VPS13C: variants seen among roughly 807,000 people sequenced by gnomAD.
The protein encoded by VPS13C is vacuolar protein sorting 13 homolog C.
VPS13C carries 358 observed loss-of-function variants against 456.8 expected under a neutral mutation model. That is an observed-to-expected ratio of 0.78 (90% CI 0.72 to 0.86). The LOEUF is 0.86. Ranked by LOEUF, VPS13C falls within the 40% of genes least tolerant of loss-of-function variation. VPS13C has a pLI of 0.00. For missense variants in VPS13C, 4,818 were observed against 4,385.4 expected (o/e 1.10, Z -2.79); for synonymous variants, 1,578 against 1,486.7 (o/e 1.06, Z -1.41).
chr15:61,941,711 A>G, intron 46 of VPS13C, 52 bp downstream of exon 46: 1 of 1,504,994 alleles, frequency 6.6e-7, no homozygotes, highest in Non-Finnish European at 8.9e-7. Flanking sequence ...TAAAAATTGT[A>G]TGAAAATCCT....
chr15:61,866,303 CTA>C, intron 81 of VPS13C: 1 of 982,956 alleles, frequency 1.0e-6, no homozygotes, highest in Non-Finnish European at 1.2e-6. Flanking sequence ...TTAATAAAAA[CTA>C]AGAAATCAGA....
chr15:61,983,854 A>G lies in VPS13C; in HGVS notation c.1880T>C (p.Val627Ala), dbSNP rs137923693. ...EDSPADQTLI[V>A]QSQPVEVIYD... is the part of the protein sequence containing the mutation. ...GATGACCTCCACAGGCTGGGACTGA[A>G]CAATCAGAGTCTGGTCAGCAGGACT... is the stretch of plus-strand genomic sequence containing the variant. The change falls in exon 20 of 85, where the codon GTT (valine) becomes GCT (alanine). Residue 627 changes from valine (V) to alanine (A), a missense_variant. Val to Ala is a moderately conservative substitution (Grantham distance 64, BLOSUM62 0). Transcript: ENST00000644861. 107 of 1,614,144 alleles carry G rather than the reference A, an allele frequency of 6.6e-5. 1 individual carries two copies. The Middle Eastern group carries it at 4.6e-3, about 70-fold the overall frequency.
At chr15:62,037,615 C>A (rs2048109185) in intron 3 of VPS13C, among the ~76,000 whole-genome samples, 1 of 150,492 alleles carries the variant, frequency 6.6e-6, no homozygotes, top group East Asian at 1.9e-4. Flanking sequence ...ATGTCTATAA[C>A]TTCCTTGAAG....
chr15:62,038,907 C>A (rs1402338647), intron 3 of VPS13C, among the ~76,000 whole-genome samples: 2 of 152,150 alleles, frequency 1.3e-5, no homozygotes, highest in African/African-American at 4.8e-5. Flanking sequence ...GAGATACCAT[C>A]TTACACCAGC....
At chr15:61,855,389 G>A (rs976721673) in intron 83 of VPS13C, among the ~76,000 whole-genome samples, 3 of 152,142 alleles carry the variant, frequency 2.0e-5, no homozygotes, top group Admixed American at 2.0e-4. Context: ...TATGCACAGT[G>A]ACATAGTCTT....
In VPS13C at chr15:61,854,251, G is replaced by A. The variant is rs1166109666; in HGVS notation, c.*206C>T. The A allele has an allele frequency of 3.4e-6, 2 of 589,712 alleles. No homozygotes were observed. Among genetic ancestry groups the A allele is most frequent in the African/African-American group, 3.7e-5 (2 of 53,664 alleles). The allele number at this position is 589,712 out of a possible 1,614,324, so 36.5% of individuals were successfully genotyped here. A position where few individuals can be genotyped will look rare whatever the true frequency, so the allele number is the denominator to read the frequency against. ...TCTGACCCATTTGGGTGGTGGCGTA[G>A]AAGTGGACTGCTAGCATATACATGG... On this transcript the variant is annotated 3_prime_UTR_variant, in exon 85 of 85. Coordinates refer to ENST00000644861, the MANE Select transcript of VPS13C (RefSeq NM_020821.3).
chr15:61,865,143 G>A (rs1009025024), intron 81 of VPS13C: 32 of 984,574 alleles, frequency 3.3e-5, no homozygotes, highest in Middle Eastern at 5.2e-4. Context: ...AAATATTCAC[G>A]TCCCCTTTCC....
In VPS13C at chr15:61,950,432, G is replaced by A. The variant is rs1224633292; in HGVS notation, c.4537-15C>T. On this transcript the variant is annotated splice_polypyrimidine_tract_variant and intron_variant, in intron 40 of 84. Coordinates refer to ENST00000644861, the MANE Select transcript of VPS13C (RefSeq NM_020821.3). Reference sequence around the variant, plus strand: ...TCACTGTCTGCCTACAAATAGTGGAGAATTACACCACTGAGTTTCAAACAC... The same window carrying A: ...TCACTGTCTGCCTACAAATAGTGGAAAATTACACCACTGAGTTTCAAACAC... The A allele has an allele frequency of 1.9e-6, 3 of 1,597,500 alleles. No homozygotes were observed. The highest frequency in any genetic ancestry group is 1.7e-4 in the Middle Eastern group (1 of 6,034).
chr15:62,044,362 C>T (rs2048339294), intron 1 of VPS13C, 107 bp from the exon 2 acceptor site: 2 of 621,620 alleles, frequency 3.2e-6, no homozygotes, highest in Middle Eastern at 2.7e-4. Flanking sequence ...GCTAAGAATA[C>T]AATGATAAAC....
chr15:61,918,235 G>A lies in VPS13C; in HGVS notation c.7661C>T (p.Ala2554Val). The A allele has an allele frequency of 6.3e-7, 1 of 1,579,048 alleles. No individual in the cohort carries two copies. Among genetic ancestry groups the A allele is most frequent in the African/African-American group, 1.4e-5 (1 of 72,958 alleles). ...PLQIKNHFSI[A>V]FIIYKFVKNV... is the part of the protein sequence containing the mutation. Reference sequence around the variant, plus strand: ...CTTAACAAATTTATAGATGATAAATGCAATGGAGAAATGGTTTTTGATCTG... The same window carrying A: ...CTTAACAAATTTATAGATGATAAATACAATGGAGAAATGGTTTTTGATCTG... The change falls in exon 59 of 85, where the codon GCA becomes GTA. Residue 2554 changes from alanine to valine, a missense_variant. Physicochemically the swap from Ala to Val is moderately conservative, Grantham distance 64. Around this residue, in one of 3 missense-constraint regions of VPS13C, gnomAD observed 4,552 missense variants for 4,130.6 expected, o/e 1.10. Coordinates refer to ENST00000644861, the MANE Select transcript of VPS13C (RefSeq NM_020821.3).
At chr15:61,944,956 G>C (rs1013036316) in intron 45 of VPS13C, among the ~76,000 whole-genome samples, 1 of 152,138 alleles carries the variant, frequency 6.6e-6, no homozygotes, top group African/African-American at 2.4e-5. Context: ...ATCTCATCTC[G>C]AATTGTAATC....
chr15:62,028,497 C>G (rs960519281), intron 5 of VPS13C, 77 bp from the exon 6 acceptor site: 2 of 1,375,694 alleles, frequency 1.5e-6, no homozygotes, highest in African/African-American at 2.9e-5. Flanking sequence ...TAAAATATAC[C>G]TAAATTTAAT....
At position 61,978,662 on chromosome 15, in the gene VPS13C, C is replaced by T. The variant is rs759923497; in HGVS notation, c.2254G>A (p.Glu752Lys). 9 of 1,612,176 alleles carry T rather than the reference C, an allele frequency of 5.6e-6. No individual in the cohort carries two copies. In the South Asian group the frequency reaches 9.9e-5, roughly 18 times the overall value. Residue 752 changes from glutamate (E) to lysine (K), a missense_variant, in exon 23 of 85, where the codon GAA (glutamate) becomes AAA (lysine). Glu to Lys is a moderately conservative substitution (Grantham distance 56). Around this residue, in one of 3 missense-constraint regions of VPS13C, gnomAD observed 4,552 missense variants for 4,130.6 expected, o/e 1.10. Transcript: ENST00000644861. Reference sequence around the variant, plus strand: ...AAAAGTAGTTGTACATTTTTTATTTCAACATCAAACTTGTCATATGCCTTA... The same window carrying T: ...AAAAGTAGTTGTACATTTTTTATTTTAACATCAAACTTGTCATATGCCTTA... ...MDKAYDKFDVEIKNVQLLFAR... is the reference protein window; with the variant it reads ...MDKAYDKFDVKIKNVQLLFAR...
chr15:62,056,419 T>G (rs976025798), intron 1 of VPS13C, among the ~76,000 whole-genome samples: 5 of 152,158 alleles, frequency 3.3e-5, no homozygotes, highest in African/African-American at 1.2e-4. Flanking sequence ...GTGCGAGCCT[T>G]CTGTTATGCC....
chr15:62,001,980 T>C (rs376306909), intron 15 of VPS13C, among the ~76,000 whole-genome samples: 10 of 152,192 alleles, frequency 6.6e-5, no homozygotes, highest in African/African-American at 2.4e-4. Flanking sequence ...AATAAACATA[T>C]GTGTGCATGT....
intron 16 of VPS13C, among the ~76,000 whole-genome samples, chr15:61,995,916 T>C (rs1197674888): frequency 6.6e-6 from 1 of 152,196 alleles, no homozygotes; most frequent in Non-Finnish European, 1.5e-5. Flanking sequence ...CTACTATACA[T>C]GGCTCTGCCC....
At chr15:61,869,782 A>G (rs557964562) in intron 79 of VPS13C, among the ~76,000 whole-genome samples, 159 bp from the exon 80 acceptor site, 50 of 152,374 alleles carry the variant, frequency 3.3e-4, no homozygotes, top group African/African-American at 1.1e-3. Flanking sequence ...GTGATAAAAT[A>G]GTGGTTTCTC....
Position 61,978,708 on chromosome 15 carries a change from T to C in VPS13C, c.2208A>G (p.Ser736=). ...KDQGLQKTTN[S]SLEEIMDKAY... Reference sequence around the variant, plus strand: ...CCTTATCCATTATTTCTTCCAGAGATGAATTAGTAGTCTTCTGTAAACCTT... The same window carrying C: ...CCTTATCCATTATTTCTTCCAGAGACGAATTAGTAGTCTTCTGTAAACCTT... The change falls in exon 23 of 85, where the codon TCA becomes TCG. Residue 736 remains serine (S), a synonymous_variant. Transcript: ENST00000644861. 1.9e-6 allele frequency: 3 copies of C among 1,611,902 alleles called. No homozygotes were observed. Among genetic ancestry groups the C allele is most frequent in the Middle Eastern group, 1.7e-4 (1 of 6,022 alleles).
chr15:61,981,332 A>C lies in VPS13C; in HGVS notation c.2166+10T>G. 1 of 1,601,766 alleles carries C rather than the reference A, an allele frequency of 6.2e-7. No homozygotes were observed. The highest frequency in any genetic ancestry group is 1.1e-5 in the South Asian group (1 of 88,676). ...AAGATGGGCAGACAAAAAAACGCATATATACCTACCTGAAATGTACCAAAA... is the reference window on the plus strand; with the variant it reads ...AAGATGGGCAGACAAAAAAACGCATCTATACCTACCTGAAATGTACCAAAA... On this transcript the variant is annotated intron_variant, in intron 22 of 84. Coordinates refer to ENST00000644861, the MANE Select transcript of VPS13C (RefSeq NM_020821.3).
Sources: allele counts gnomAD v4.1 joint callset (sites outside exome capture counted in the v4.1 genomes callset), GRCh38; gene constraint gnomAD v4.1.1; regional missense constraint gnomAD v4.1.1; transcripts MANE v1.5; gene names NCBI Gene and HGNC (gene_info 2026-07-23, HGNC 2026-07-21).